Variants in SDK1 observed in about 807,000 individuals in gnomAD.
SDK1 encodes the protein protein sidekick-1.
In SDK1, 157 loss-of-function variants were observed where a neutral mutation model predicts 245.5. The ratio of observed to expected loss-of-function variants is 0.64; its 90% CI spans 0.56 to 0.73. The LOEUF (loss-of-function observed/expected upper bound fraction) is 0.73. Ranked by LOEUF, SDK1 falls within the 30% of genes least tolerant of loss-of-function variation. SDK1 has a pLI of 0.00. For missense variants in SDK1, 3,583 were observed against 3,002.3 expected (o/e 1.19, Z -4.52); for synonymous variants, 1,647 against 1,278.5 (o/e 1.29, Z -6.15).
intron 1 of SDK1, among the ~76,000 whole-genome samples, chr7:3,424,080 T>A (rs1030055412): frequency 4.6e-5 from 7 of 152,028 alleles, no homozygotes; most frequent in African/African-American, 7.2e-5. Flanking sequence ...CCTAGCTAAT[T>A]TTTGTATTTT....
chr7:3,950,843 G>C (rs1780780155), intron 5 of SDK1, 80 bp from the exon 6 acceptor site: 1 of 1,093,074 alleles, frequency 9.1e-7, no homozygotes, highest in African/African-American at 1.5e-5. Flanking sequence ...CGGGGGTCTT[G>C]GAACGTGTCC....
chr7:3,595,952 AT>A (rs199756528), intron 1 of SDK1, among the ~76,000 whole-genome samples: 1,222 of 100,270 alleles, frequency 0.012, 6 homozygotes, highest in African/African-American at 0.027. Flanking sequence ...TCTAATGGGT[AT>A]TTTTTTTTTT....
At chr7:3,438,381 C>A (rs1012707599) in intron 1 of SDK1, among the ~76,000 whole-genome samples, 4 of 152,132 alleles carry the variant, frequency 2.6e-5, no homozygotes, top group African/African-American at 9.7e-5. Context: ...GAAATAATTT[C>A]TTCTTTACAA....
chr7:4,090,666 C>G (rs1015418000), intron 22 of SDK1, among the ~76,000 whole-genome samples: 1 of 152,134 alleles, frequency 6.6e-6, no homozygotes, highest in African/African-American at 2.4e-5. Context: ...TCTTCTTTCC[C>G]AGCCATTTCT....
chr7:3,339,884 GGAAAAA>G (rs1177407773), intron 1 of SDK1, among the ~76,000 whole-genome samples: 10 of 151,686 alleles, frequency 6.6e-5, no homozygotes, highest in Non-Finnish European at 1.5e-4. Flanking sequence ...ATTGAAAAGA[GGAAAAA>G]GAAAAATCAT....
At chr7:3,525,102 G>C (rs751095883) in intron 1 of SDK1, among the ~76,000 whole-genome samples, 1 of 152,140 alleles carries the variant, frequency 6.6e-6, no homozygotes, top group Non-Finnish European at 1.5e-5. Flanking sequence ...ACCCAGTGAT[G>C]ATTGGAAGTG....
chr7:4,084,937 A>G (rs933567455), intron 22 of SDK1, among the ~76,000 whole-genome samples: 2 of 151,796 alleles, frequency 1.3e-5, no homozygotes, highest in African/African-American at 4.8e-5. Flanking sequence ...TAATTTTTAT[A>G]TTTTTAGTAG....
intron 1 of SDK1, among the ~76,000 whole-genome samples, chr7:3,512,498 A>G (rs1039476433): frequency 6.6e-6 from 1 of 152,004 alleles, no homozygotes; most frequent in Admixed American, 6.6e-5. Context: ...TGTGGATCAT[A>G]TGGTACGGGT....
chr7:3,815,015 T>A (rs1779472416), intron 4 of SDK1, among the ~76,000 whole-genome samples: 2 of 147,448 alleles, frequency 1.4e-5, no homozygotes, highest in South Asian at 4.4e-4. Flanking sequence ...GATTTTGGGC[T>A]GAGACAATGG....
intron 5 of SDK1, among the ~76,000 whole-genome samples, chr7:3,895,698 T>C (rs1326225819): frequency 1.3e-5 from 2 of 152,244 alleles, no homozygotes; most frequent in Non-Finnish European, 2.9e-5. Flanking sequence ...GTCAGACCTT[T>C]CTTCTTTTCT....
intron 4 of SDK1, among the ~76,000 whole-genome samples, chr7:3,721,554 A>T (rs933105669): frequency 1.3e-5 from 2 of 152,218 alleles, no homozygotes; most frequent in African/African-American, 4.8e-5. Context: ...TGATTTGGTA[A>T]CACCTCTGTG....
intron 4 of SDK1, among the ~76,000 whole-genome samples, chr7:3,770,129 CG>C (rs752813899): frequency 3.3e-5 from 5 of 151,946 alleles, no homozygotes; most frequent in Non-Finnish European, 5.9e-5. Flanking sequence ...GGGATCCTTG[CG>C]GTGATGGAAC....
intron 1 of SDK1, among the ~76,000 whole-genome samples, chr7:3,368,516 T>G (rs1169012459): frequency 6.6e-6 from 1 of 152,174 alleles, no homozygotes; most frequent in Non-Finnish European, 1.5e-5. Flanking sequence ...ATGATAACTT[T>G]ATAATTAAAA....
intron 5 of SDK1, among the ~76,000 whole-genome samples, chr7:3,913,661 C>T (rs1470098576): frequency 6.6e-6 from 1 of 152,080 alleles, no homozygotes; most frequent in African/African-American, 2.4e-5. Context: ...CTGGTAACAT[C>T]CTTTCCCTCA....
At chr7:4,136,211 T>C (rs1779080053) in intron 28 of SDK1, among the ~76,000 whole-genome samples, 1 of 152,188 alleles carries the variant, frequency 6.6e-6, no homozygotes, top group Non-Finnish European at 1.5e-5. Flanking sequence ...AGCATTGGCT[T>C]GTAATTGTAA....
chr7:4,105,654 TGG>T (rs1033661680), intron 22 of SDK1, among the ~76,000 whole-genome samples: 1 of 152,186 alleles, frequency 6.6e-6, no homozygotes. Context: ...TGCACTGTGC[TGG>T]GGGTACTCTG....
At chr7:4,206,119 G>A (rs1182145686) in intron 36 of SDK1, 125 bp downstream of exon 36, 1 of 655,366 alleles carries the variant, frequency 1.5e-6, no homozygotes. Flanking sequence ...TGGGGCCCAA[G>A]CGTCGGAGCT....
chr7:3,606,625 G>C (rs1781433993), intron 1 of SDK1, among the ~76,000 whole-genome samples: 1 of 152,078 alleles, frequency 6.6e-6, no homozygotes, highest in Non-Finnish European at 1.5e-5. Flanking sequence ...TTTTCCTGCT[G>C]TCAGGAAACC....
At chr7:3,898,729 C>G (rs1158094174) in intron 5 of SDK1, among the ~76,000 whole-genome samples, 1 of 151,990 alleles carries the variant, frequency 6.6e-6, no homozygotes, top group Admixed American at 6.5e-5. Flanking sequence ...TATGTCACGC[C>G]CCTTGTGTCA....
Sources: allele counts gnomAD v4.1 joint callset (sites outside exome capture counted in the v4.1 genomes callset), GRCh38; gene constraint gnomAD v4.1.1; transcripts MANE v1.5; gene names NCBI Gene and HGNC (gene_info 2026-07-23, HGNC 2026-07-21).